The following RSBN1L variants were observed in gnomAD, a reference collection of about 807,000 sequenced individuals.
The protein encoded by RSBN1L is lysine-specific demethylase RSBN1L.
In RSBN1L, 30 loss-of-function variants were observed where a neutral mutation model predicts 67.7. That is an observed-to-expected ratio of 0.44 (90% confidence interval 0.33 to 0.60). RSBN1L has a LOEUF of 0.60. Among genes scored for constraint, RSBN1L ranks in the 20% least tolerant of loss-of-function variants. The pLI is 0.02. For synonymous variants in RSBN1L, 433 were observed against 387.0 expected (o/e 1.12, Z -1.39); for missense variants, 992 against 1,031.7 (o/e 0.96, Z 0.53).
In RSBN1L at chr7:77,696,521, G is replaced by T; in HGVS notation, c.52G>T (p.Ala18Ser). Residue 18 changes from alanine (A) to serine (S), a missense_variant, in exon 1 of 8, where the codon GCC becomes TCC. Ala to Ser is a moderately conservative substitution (Grantham distance 99). Around this residue, in one of 7 missense-constraint regions of RSBN1L, gnomAD observed 575 missense variants for 483.2 expected, o/e 1.19. Coordinates refer to ENST00000334955, the MANE Select transcript of RSBN1L (RefSeq NM_198467.3). Reference protein sequence around the residue: ...VHCVAAAAPTATVSEKEPFGK... With the variant: ...VHCVAAAAPTSTVSEKEPFGK... ...CTGTGTCGCTGCCGCGGCCCCCACCGCCACCGTCTCGGAGAAAGAACCGTT... is the reference window on the plus strand; with the variant it reads ...CTGTGTCGCTGCCGCGGCCCCCACCTCCACCGTCTCGGAGAAAGAACCGTT... The T allele has an allele frequency of 6.2e-7, 1 of 1,613,772 alleles. No homozygotes were observed.
intron 3 of RSBN1L, among the ~76,000 whole-genome samples, chr7:77,756,655 G>A (rs1235364292): frequency 1.3e-5 from 2 of 151,968 alleles, no homozygotes; most frequent in Non-Finnish European, 2.9e-5. Flanking sequence ...GTGGGCGCCT[G>A]TAGTCCCAGC....
chr7:77,757,104 A>C (rs1791629743), intron 3 of RSBN1L, among the ~76,000 whole-genome samples: 1 of 152,240 alleles, frequency 6.6e-6, no homozygotes, highest in African/African-American at 2.4e-5. Flanking sequence ...AATTCTGTAG[A>C]AACTAAAAGA....
chr7:77,713,050 T>C (rs1790996423), intron 1 of RSBN1L, among the ~76,000 whole-genome samples: 1 of 152,214 alleles, frequency 6.6e-6, no homozygotes, highest in Admixed American at 6.5e-5. Context: ...GTTTTGATTG[T>C]TGAAGATTTT....
chr7:77,738,435 T>C (rs897035445), intron 2 of RSBN1L, among the ~76,000 whole-genome samples: 1 of 152,186 alleles, frequency 6.6e-6, no homozygotes, highest in Non-Finnish European at 1.5e-5. Flanking sequence ...AATTTGTGAC[T>C]TCTGGGATGT....
chr7:77,767,320 A>C (rs1477598438), intron 4 of RSBN1L, among the ~76,000 whole-genome samples: 3 of 150,880 alleles, frequency 2.0e-5, no homozygotes, highest in Non-Finnish European at 4.4e-5. Context: ...TGTTCTCAAC[A>C]TTCCATGGAC....
rs542779496 is a variant in RSBN1L at position 77,730,254 on chromosome 7, G to A, written c.587-6156G>A. On this transcript the variant is annotated intron_variant, in intron 1 of 7. Transcript: ENST00000334955. ...CTTAAAAAGTTGACCTCATGTTTTA[G>A]AGCAGCTTTTGGTTCATAGCAAAAT... 1.3e-4 allele frequency among the ~76,000 whole-genome samples: 20 copies of A among 152,182 alleles called. No homozygotes were observed. The Middle Eastern group carries it at 0.01, about 78-fold the overall frequency.
intron 1 of RSBN1L, among the ~76,000 whole-genome samples, chr7:77,700,482 C>T (rs1790801734): frequency 6.6e-6 from 1 of 152,306 alleles, no homozygotes; most frequent in African/African-American, 2.4e-5. Flanking sequence ...CAGGATTTAA[C>T]TCTAATGAAA....
At chr7:77,704,780 A>G (rs908520087) in intron 1 of RSBN1L, among the ~76,000 whole-genome samples, 3 of 152,026 alleles carry the variant, frequency 2.0e-5, no homozygotes, top group Non-Finnish European at 2.9e-5. Context: ...GGAGTTCGAG[A>G]CTAGCCTGGC....
At chr7:77,715,164 TG>T (rs1356396250) in intron 1 of RSBN1L, among the ~76,000 whole-genome samples, 1 of 151,714 alleles carries the variant, frequency 6.6e-6, no homozygotes, top group African/African-American at 2.4e-5. Flanking sequence ...CCCAGCTACT[TG>T]GGAGGCTGAG....
At chr7:77,714,661 A>G (rs1482256205) in intron 1 of RSBN1L, among the ~76,000 whole-genome samples, 2 of 152,122 alleles carry the variant, frequency 1.3e-5, no homozygotes, top group South Asian at 2.1e-4. Flanking sequence ...AAACATTCAC[A>G]TAGAAATCTT....
At chr7:77,741,094 C>A (rs111775606) in intron 2 of RSBN1L, among the ~76,000 whole-genome samples, 2,562 of 148,384 alleles carry the variant, frequency 0.017, 82 homozygotes, top group African/African-American at 0.06. Context: ...TCAAGCGATT[C>A]TCCTGCCTCA....
chr7:77,749,404 A>G lies in RSBN1L; in HGVS notation c.704-20A>G. ...AAAGTAATTAAAATATGGAGTTTCA[A>G]AAAACATTTTTTCCAACAGGTGGGA... On this transcript the variant is annotated intron_variant, in intron 2 of 7. Coordinates refer to ENST00000334955, the MANE Select transcript of RSBN1L (RefSeq NM_198467.3). 1 of 1,501,240 alleles carries G rather than the reference A, an allele frequency of 6.7e-7. No homozygotes were observed. The highest frequency in any genetic ancestry group is 8.9e-7 in the Non-Finnish European group (1 of 1,126,664). The allele number at this position is 1,501,240 out of a possible 1,614,324, so 93.0% of individuals were successfully genotyped here. A position where few individuals can be genotyped will look rare whatever the true frequency, so the allele number is the denominator to read the frequency against.
intron 3 of RSBN1L, among the ~76,000 whole-genome samples, chr7:77,757,514 A>G (rs1357152184): frequency 1.3e-5 from 2 of 152,246 alleles, no homozygotes; most frequent in Non-Finnish European, 2.9e-5. Context: ...TAACCTGTCC[A>G]TATCTGTTAG....
chr7:77,773,586 A>G (rs1433119028), intron 6 of RSBN1L: 4 of 222,320 alleles, frequency 1.8e-5, no homozygotes, highest in Non-Finnish European at 3.5e-5. Flanking sequence ...AATATGGGGA[A>G]ACCCCGTCTG....
intron 2 of RSBN1L, among the ~76,000 whole-genome samples, chr7:77,742,327 A>G (rs1227818836): frequency 6.6e-6 from 1 of 152,150 alleles, no homozygotes; most frequent in Non-Finnish European, 1.5e-5. Flanking sequence ...AACTAGGCAC[A>G]AGTTTCTGAG....
At chr7:77,703,984 G>C (rs570190606) in intron 1 of RSBN1L, among the ~76,000 whole-genome samples, 1 of 152,132 alleles carries the variant, frequency 6.6e-6, no homozygotes, top group Non-Finnish European at 1.5e-5. Context: ...ATATACATCC[G>C]TTATAAAGGG....
intron 2 of RSBN1L, among the ~76,000 whole-genome samples, chr7:77,745,474 T>G (rs747657930): frequency 6.6e-6 from 1 of 152,228 alleles, no homozygotes; most frequent in Non-Finnish European, 1.5e-5. Flanking sequence ...ACTCATAGTG[T>G]TGATTGACAT....
chr7:77,712,051 AT>A (rs1790981341), intron 1 of RSBN1L, among the ~76,000 whole-genome samples: 1 of 98,682 alleles, frequency 1.0e-5, no homozygotes, highest in South Asian at 3.1e-4. Flanking sequence ...ACATTTTATA[AT>A]TGTATGTTTT....
intron 2 of RSBN1L, among the ~76,000 whole-genome samples, chr7:77,746,400 A>G (rs1791484378): frequency 1.3e-5 from 2 of 152,146 alleles, no homozygotes; most frequent in Admixed American, 6.6e-5. Flanking sequence ...GTCACTCACA[A>G]TGGTGATGCA....
Sources: allele counts gnomAD v4.1 joint callset (sites outside exome capture counted in the v4.1 genomes callset), GRCh38; gene constraint gnomAD v4.1.1; regional missense constraint gnomAD v4.1.1; transcripts MANE v1.5; gene names NCBI Gene and HGNC (gene_info 2026-07-23, HGNC 2026-07-21).